Variants in CBFB observed in about 807,000 individuals in gnomAD.
CBFB encodes the protein CBF-beta.
CBFB carries 9 observed loss-of-function variants against 30.4 expected under a neutral mutation model. The observed-to-expected ratio is 0.30, with a 90% CI of 0.18 to 0.52. CBFB has a LOEUF of 0.52. CBFB is among the 20% of genes least tolerant of loss of function. CBFB has a pLI of 0.97. For synonymous variants in CBFB, 94 were observed against 84.0 expected (o/e 1.12, Z -0.65); for missense variants, 170 against 244.0 (o/e 0.70, Z 2.02).
At chr16:67,093,311 A>G (rs1961951276) in intron 5 of CBFB, 1 of 151,948 alleles carries the variant, frequency 6.6e-6, no homozygotes, top group Non-Finnish European at 1.5e-5. Flanking sequence ...TACACACTCA[A>G]TAAAATATAG....
At chr16:67,064,744 A>T (rs1961005798) in intron 3 of CBFB, among the ~76,000 whole-genome samples, 1 of 152,192 alleles carries the variant, frequency 6.6e-6, no homozygotes, top group African/African-American at 2.4e-5. Context: ...TTTGGGTATG[A>T]TGTATACCTA....
chr16:67,091,720 T>C (rs1406749382), intron 5 of CBFB, among the ~76,000 whole-genome samples: 1 of 152,254 alleles, frequency 6.6e-6, no homozygotes, highest in Non-Finnish European at 1.5e-5. Flanking sequence ...GACTTTTTTT[T>C]ACCCTTTTTA....
chr16:67,053,248 C>CTTTTTTTTTTT (rs576629599), intron 3 of CBFB, among the ~76,000 whole-genome samples: 1 of 122,760 alleles, frequency 8.1e-6, no homozygotes, highest in Non-Finnish European at 1.7e-5. Context: ...CACTTTCTCT[C>CTTTTTTTTTTT]TTTTTTTTTT....
Position 67,052,577 on chromosome 16 carries a change from T to TA in CBFB, c.283-14092dup, listed in dbSNP as rs751681152. ...GGTGAAGGAGGGAGACCCTGTCTCTTAAAAAAAAAAAAATGCCTGCTAGAC... is the reference window on the plus strand; with the variant it reads ...GGTGAAGGAGGGAGACCCTGTCTCTTAAAAAAAAAAAAAATGCCTGCTAGAC... On this transcript the variant is annotated intron_variant, in intron 3 of 5. Coordinates refer to ENST00000412916, the MANE Select transcript of CBFB (RefSeq NM_022845.3). Among the ~76,000 whole-genome samples the TA allele has an allele frequency of 4.7e-3, 682 of 144,112 alleles. 5 individuals carry two copies. The highest frequency in any genetic ancestry group is 0.015 in the African/African-American group (574 of 39,338). 94.5% of individuals were successfully genotyped at this position (144,112 alleles called of 152,430 possible).
intron 3 of CBFB, among the ~76,000 whole-genome samples, chr16:67,044,739 T>TTTATA (rs1246105856): frequency 6.6e-6 from 1 of 152,210 alleles, no homozygotes; most frequent in African/African-American, 2.4e-5. Context: ...ATTGTGTTTG[T>TTTATA]TTATATACCA....
chr16:67,042,192 G>A (rs1966543585), intron 3 of CBFB, among the ~76,000 whole-genome samples: 1 of 152,132 alleles, frequency 6.6e-6, no homozygotes, highest in African/African-American at 2.4e-5. Flanking sequence ...CCAAAGTGCT[G>A]GGATTACAGG....
intron 2 of CBFB, among the ~76,000 whole-genome samples, chr16:67,035,904 C>G (rs1966433387): frequency 6.6e-6 from 1 of 152,180 alleles, no homozygotes; most frequent in African/African-American, 2.4e-5. Context: ...TTGCTCAAGG[C>G]CTACATAAAA....
chr16:67,080,427 G>A (rs74702191), intron 4 of CBFB, among the ~76,000 whole-genome samples: 8,693 of 152,074 alleles, frequency 0.057, 376 homozygotes, highest in African/African-American at 0.11. Context: ...TTGATTGATT[G>A]TGGAGACAAT....
chr16:67,074,042 A>G (rs1961316076), intron 4 of CBFB, among the ~76,000 whole-genome samples: 1 of 152,208 alleles, frequency 6.6e-6, no homozygotes, highest in African/African-American at 2.4e-5. Flanking sequence ...AAAAAACAAA[A>G]AACAAAAAAC....
intron 3 of CBFB, among the ~76,000 whole-genome samples, chr16:67,042,217 C>T (rs571130840): frequency 1.3e-5 from 2 of 151,892 alleles, no homozygotes; most frequent in Middle Eastern, 3.4e-3. Flanking sequence ...AGCCACCACG[C>T]CCAGGCTTTT....
chr16:67,072,282 A>G (rs969507837), intron 4 of CBFB, among the ~76,000 whole-genome samples: 1 of 152,188 alleles, frequency 6.6e-6, no homozygotes, highest in Non-Finnish European at 1.5e-5. Flanking sequence ...AAATAAAACA[A>G]CATGTGCACA....
chr16:67,047,703 A>G (rs1471862434), intron 3 of CBFB, among the ~76,000 whole-genome samples: 2 of 152,022 alleles, frequency 1.3e-5, no homozygotes, highest in East Asian at 1.9e-4. Flanking sequence ...TTTTTTTAGG[A>G]TATTTATTCA....
chr16:67,049,285 C>A (rs575947252), intron 3 of CBFB, among the ~76,000 whole-genome samples: 1 of 151,944 alleles, frequency 6.6e-6, no homozygotes, highest in South Asian at 2.1e-4. Flanking sequence ...CACACTGCAA[C>A]CTCCGCCTCC....
In CBFB at chr16:67,029,821, G is replaced by T; in HGVS notation, c.165+8G>T. 1 of 1,578,918 alleles carries T rather than the reference G, an allele frequency of 6.3e-7. No homozygotes were observed. The highest frequency in any genetic ancestry group is 8.6e-7 in the Non-Finnish European group (1 of 1,164,522). On this transcript the variant is annotated splice_region_variant and intron_variant, in intron 2 of 5. Coordinates refer to ENST00000412916, the MANE Select transcript of CBFB (RefSeq NM_022845.3). ...GACGGCCGCTCGGAAATCGTAAGTC[G>T]GCTGGCCCGGGGCGCGCGCGGGTCA...
rs537732597 is a variant in CBFB, at chr16:67,033,244, A to G, written c.166-3395A>G. On this transcript the variant is annotated intron_variant, in intron 2 of 5. Coordinates refer to ENST00000412916, the MANE Select transcript of CBFB (RefSeq NM_022845.3). ...CATCTCTCTTTAACTATAAAACTCA[A>G]TCAGCCTCCTTATTTTATGCCAATT... Among the ~76,000 whole-genome samples the G allele has an allele frequency of 4.6e-5, 7 of 152,370 alleles. No individual in the cohort carries two copies. The South Asian group carries it at 1.0e-3, about 23-fold the overall frequency.
chr16:67,042,562 A>G (rs1966550030), intron 3 of CBFB, among the ~76,000 whole-genome samples: 1 of 152,148 alleles, frequency 6.6e-6, no homozygotes. Context: ...GACTGACTGC[A>G]CTGGGTGGTT....
intron 5 of CBFB, among the ~76,000 whole-genome samples, chr16:67,085,571 T>C (rs1344848818): frequency 6.6e-6 from 1 of 151,382 alleles, no homozygotes; most frequent in Non-Finnish European, 1.5e-5. Context: ...CATGATTCAC[T>C]GTAGCCTCAA....
intron 3 of CBFB, among the ~76,000 whole-genome samples, chr16:67,043,750 T>C (rs1966573811): frequency 1.3e-5 from 2 of 152,234 alleles, no homozygotes; most frequent in Admixed American, 1.3e-4. Flanking sequence ...AAATGCCTTT[T>C]AAATTGTAAA....
chr16:67,045,508 CTCTG>C (rs994850286), intron 3 of CBFB, among the ~76,000 whole-genome samples: 1 of 151,210 alleles, frequency 6.6e-6, no homozygotes, highest in Non-Finnish European at 1.5e-5. Context: ...CAGAGCAAGA[CTCTG>C]TCTGAAAAAA....
Sources: gnomAD v4.1 joint callset for allele counts (sites outside exome capture counted in the v4.1 genomes callset) on GRCh38, gnomAD v4.1.1 for gene constraint, MANE v1.5 for transcripts, NCBI Gene and HGNC (gene_info 2026-07-23, HGNC 2026-07-21) for gene names.